The following SLC24A2 variants were observed in gnomAD, a reference collection of about 807,000 sequenced individuals.
SLC24A2 encodes sodium/potassium/calcium exchanger 2.
Under a neutral mutation model 62.0 loss-of-function variants are expected in SLC24A2, and 36 were observed. That is an observed-to-expected ratio of 0.58 (90% confidence interval 0.44 to 0.77). The LOEUF is 0.77. Ranked by LOEUF, SLC24A2 falls within the 30% of genes least tolerant of loss-of-function variation. The pLI, the probability that SLC24A2 is intolerant of heterozygous loss-of-function variation, is 0.00. For missense variants in SLC24A2, 846 were observed against 817.9 expected, an observed-to-expected ratio of 1.03 and a Z score of -0.42; for synonymous variants, 358 against 294.0, an observed-to-expected ratio of 1.22 and a Z score of -2.23.
the SLC24A2 span, among the ~76,000 whole-genome samples, chr9:20,305,328 G>A: frequency 7.9e-5 from 12 of 152,068 alleles, no homozygotes; most frequent in South Asian, 2.1e-4. Context: ...GGATGGTCTC[G>A]ATCTCCTGAC....
In SLC24A2 at chr9:19,511,657, C is replaced by T. The variant is rs1289192390; in HGVS notation, c.*4496G>A. ...GAGGTATCTTTTAAAAATATTAAGC[C>T]GGATCGTTAAGGAATATGTGGCTTA... On this transcript the variant is annotated 3_prime_UTR_variant, in exon 11 of 11. Coordinates refer to ENST00000341998, the MANE Select transcript of SLC24A2 (RefSeq NM_020344.4). 3 of 152,154 alleles carry T rather than the reference C, an allele frequency of 2.0e-5. No individual in the cohort carries two copies. The highest frequency in any genetic ancestry group is 3.9e-4 in the East Asian group (2 of 5,182). 9.4% of individuals were successfully genotyped at this position (152,154 alleles called of 1,614,324 possible). A position where few individuals can be genotyped will look rare whatever the true frequency, so the allele number is the denominator to read the frequency against.
chr9:20,250,564 G>T, the SLC24A2 span, among the ~76,000 whole-genome samples: 1 of 152,106 alleles, frequency 6.6e-6, no homozygotes, highest in Non-Finnish European at 1.5e-5. Flanking sequence ...CAGGGTCCAG[G>T]CTGGTTATGG....
chr9:19,891,702 C>T, the SLC24A2 span, among the ~76,000 whole-genome samples: 10,841 of 152,122 alleles, frequency 0.071, 510 homozygotes, highest in East Asian at 0.18. Flanking sequence ...GCTATGATCA[C>T]GCCACTGCAC....
the SLC24A2 span, among the ~76,000 whole-genome samples, chr9:19,921,086 G>GA: frequency 1.3e-5 from 2 of 148,260 alleles, no homozygotes; most frequent in East Asian, 2.1e-4. Flanking sequence ...TATGGGGGGG[G>GA]GGTGTTCCAA....
At chr9:20,146,696 G>A in the SLC24A2 span, among the ~76,000 whole-genome samples, 1 of 152,048 alleles carries the variant, frequency 6.6e-6, no homozygotes, top group Non-Finnish European at 1.5e-5. Context: ...AAGACACCCT[G>A]TCATCAATAT....
the SLC24A2 span, among the ~76,000 whole-genome samples, chr9:20,022,333 T>C: frequency 6.6e-6 from 1 of 152,202 alleles, no homozygotes; most frequent in Non-Finnish European, 1.5e-5. Flanking sequence ...TAAAGCCAAT[T>C]CATAGATATT....
the SLC24A2 span, among the ~76,000 whole-genome samples, chr9:20,139,003 C>T: frequency 6.6e-6 from 1 of 152,206 alleles, no homozygotes; most frequent in Admixed American, 6.5e-5. Context: ...CCCCACTCCT[C>T]CCCGCCTCAT....
At chr9:19,857,554 G>A in the SLC24A2 span, among the ~76,000 whole-genome samples, 1 of 151,942 alleles carries the variant, frequency 6.6e-6, no homozygotes, top group Non-Finnish European at 1.5e-5. Context: ...ATATTTTTTA[G>A]TTTACAGATA....
chr9:20,113,403 A>T, the SLC24A2 span, among the ~76,000 whole-genome samples: 21,316 of 152,190 alleles, frequency 0.14, 1,562 homozygotes, highest in Middle Eastern at 0.26. Context: ...AATAGTAAAA[A>T]GCACATAAAA....
At chr9:20,260,845 C>CTTTTTTTTTTT in the SLC24A2 span, among the ~76,000 whole-genome samples, 556 of 110,390 alleles carry the variant, frequency 5.0e-3, 30 homozygotes, top group African/African-American at 0.019. Context: ...ACGTATCATT[C>CTTTTTTTTTTT]TTTCTTTTTT....
intron 2 of SLC24A2, among the ~76,000 whole-genome samples, chr9:19,774,798 G>A (rs1278073843): frequency 7.2e-5 from 11 of 152,156 alleles, no homozygotes; most frequent in Non-Finnish European, 7.4e-5. Context: ...CAAAGGAAGC[G>A]ATCCTCTTTA....
chr9:19,616,900 G>C (rs557592439), intron 4 of SLC24A2, among the ~76,000 whole-genome samples: 7 of 152,226 alleles, frequency 4.6e-5, no homozygotes, highest in South Asian at 2.1e-4. Flanking sequence ...AAAATGGAAG[G>C]GGGTGGGGGA....
the SLC24A2 span, among the ~76,000 whole-genome samples, chr9:20,151,804 C>T: frequency 6.6e-6 from 1 of 151,586 alleles, no homozygotes; most frequent in Non-Finnish European, 1.5e-5. Flanking sequence ...AGGAACTCTC[C>T]CACTCAGTTA....
the SLC24A2 span, among the ~76,000 whole-genome samples, chr9:19,865,596 G>T: frequency 1.3e-5 from 2 of 152,070 alleles, no homozygotes; most frequent in Admixed American, 6.5e-5. Flanking sequence ...ACATACACTG[G>T]GGAAAAGATA....
At chr9:20,038,161 G>A in the SLC24A2 span, among the ~76,000 whole-genome samples, 2 of 152,284 alleles carry the variant, frequency 1.3e-5, no homozygotes, top group South Asian at 4.1e-4. Context: ...TAGAGGCATT[G>A]ACTCCAGAGT....
At chr9:20,177,021 C>G in the SLC24A2 span, among the ~76,000 whole-genome samples, 1 of 152,018 alleles carries the variant, frequency 6.6e-6, no homozygotes, top group African/African-American at 2.4e-5. Context: ...TCTTCTTAGT[C>G]TTTGATTCAC....
At chr9:19,962,193 G>T in the SLC24A2 span, among the ~76,000 whole-genome samples, 2 of 152,036 alleles carry the variant, frequency 1.3e-5, no homozygotes, top group African/African-American at 4.8e-5. Context: ...TCACTTTAAG[G>T]AGTTGCTCTG....
At chr9:19,886,669 A>G in the SLC24A2 span, among the ~76,000 whole-genome samples, 1 of 152,234 alleles carries the variant, frequency 6.6e-6, no homozygotes, top group African/African-American at 2.4e-5. Context: ...TTAGAACCAG[A>G]AATACCATTT....
chr9:19,762,215 G>C (rs374805015), intron 2 of SLC24A2, among the ~76,000 whole-genome samples: 1 of 152,146 alleles, frequency 6.6e-6, no homozygotes, highest in African/African-American at 2.4e-5. Flanking sequence ...TTAGCCCTTT[G>C]TCAGATTAAT....
Sources: gnomAD v4.1 joint callset for allele counts (sites outside exome capture counted in the v4.1 genomes callset) on GRCh38, gnomAD v4.1.1 for gene constraint, MANE v1.5 for transcripts, NCBI Gene and HGNC (gene_info 2026-07-23, HGNC 2026-07-21) for gene names.